The following LRP1 variants were observed in gnomAD, a reference collection of about 807,000 sequenced individuals.
LRP1 encodes LDL receptor related protein 1.
LRP1 carries 51 observed loss-of-function variants against 541.5 expected under a neutral mutation model. The observed-to-expected ratio is 0.09, with a 90% CI of 0.08 to 0.12. The LOEUF is 0.12. Ranked by LOEUF, LRP1 falls within the 10% of genes least tolerant of loss-of-function variation. LRP1 has a pLI of 1.00. For missense variants in LRP1, 3,878 were observed against 6,376.2 expected, an observed-to-expected ratio of 0.61 and a Z score of 13.34; for synonymous variants, 2,219 against 2,470.8, an observed-to-expected ratio of 0.90 and a Z score of 3.02.
Position 57,206,867 on chromosome 12 carries a change from G to C in LRP1, c.11859+126G>C. On this transcript the variant is annotated intron_variant, in intron 76 of 88. Transcript: ENST00000243077. This position sits in a 1 kb window ranked among gnomAD's most constrained non-coding sequence, Gnocchi z 4.7. Reference sequence around the variant, plus strand: ...CACGCCTATAATCCCAGCACTTTGGGAGGCCAAGGCGGGCAGATCACCTGA... The same window carrying C: ...CACGCCTATAATCCCAGCACTTTGGCAGGCCAAGGCGGGCAGATCACCTGA... 1.8e-6 allele frequency: 2 copies of C among 1,119,786 alleles called. No homozygotes were observed. The allele number at this position is 1,119,786 out of a possible 1,614,324, so 69.4% of individuals were successfully genotyped here. A position where few individuals can be genotyped will look rare whatever the true frequency, so the allele number is the denominator to read the frequency against.
intron 54 of LRP1, 31 bp downstream of exon 54, chr12:57,196,034 C>G (rs777849074): frequency 1.2e-6 from 2 of 1,611,656 alleles, no homozygotes; most frequent in Non-Finnish European, 1.7e-6. Context: ...CCCTCTGCCC[C>G]CTCCCCAGAC....
Position 57,204,906 on chromosome 12 carries a change from G to C in LRP1, c.11194+157G>C. ...CTAGGAGCCTGGGGGCTTTTCGTTA[G>C]GAAAGAGAAGCCCCTGGGGAAGGCT... On this transcript the variant is annotated intron_variant, in intron 72 of 88. Coordinates refer to ENST00000243077, the MANE Select transcript of LRP1 (RefSeq NM_002332.3). The surrounding 1 kb of genome is among the most constrained non-coding windows in gnomAD (Gnocchi z 5.3). The C allele has an allele frequency of 7.4e-7, 1 of 1,359,344 alleles. No individual in the cohort carries two copies. The highest frequency in any genetic ancestry group is 9.9e-7 in the Non-Finnish European group (1 of 1,006,434). 84.2% of individuals were successfully genotyped at this position (1,359,344 alleles called of 1,614,324 possible).
At position 57,178,637 on chromosome 12, in the gene LRP1, G is replaced by A; in HGVS notation, c.4606+34G>A. 3 of 1,613,036 alleles carry A rather than the reference G, an allele frequency of 1.9e-6. No individual in the cohort carries two copies. Among genetic ancestry groups the A allele is most frequent in the African/African-American group, 2.7e-5 (2 of 75,010 alleles). ...CTCGGGGCCTCGAGCAGCCGGAAGGGAGCCAGCAGCCTCTTTAGAAGCTGT... is the reference window on the plus strand; with the variant it reads ...CTCGGGGCCTCGAGCAGCCGGAAGGAAGCCAGCAGCCTCTTTAGAAGCTGT... On this transcript the variant is annotated intron_variant, in intron 27 of 88. Coordinates refer to ENST00000243077, the MANE Select transcript of LRP1 (RefSeq NM_002332.3). This position sits in a 1 kb window ranked among gnomAD's most constrained non-coding sequence, Gnocchi z 5.8.
chr12:57,167,339 G>T, intron 18 of LRP1, 105 bp from the exon 19 acceptor site: 2 of 859,276 alleles, frequency 2.3e-6, no homozygotes, highest in Admixed American at 1.8e-5. Flanking sequence ...TTCCTGACTG[G>T]GCTAAGGGCT....
Position 57,194,348 on chromosome 12 carries a change from C to A in LRP1, c.7919-6C>A, listed in dbSNP as rs534741228. 14 of 1,510,134 alleles carry A rather than the reference C, an allele frequency of 9.3e-6. No homozygotes were observed. Among genetic ancestry groups the A allele is most frequent in the Non-Finnish European group, 1.1e-5 (13 of 1,130,638 alleles). 93.5% of individuals were successfully genotyped at this position (1,510,134 alleles called of 1,614,324 possible). On this transcript the variant is annotated splice_polypyrimidine_tract_variant and splice_region_variant and intron_variant, in intron 48 of 88. Transcript: ENST00000243077. Reference sequence around the variant, plus strand: ...CAGGTATCACCCTCACCCCTGCCCCCACCAGGTGCCACCGACTGCAGCAGC... The same window carrying A: ...CAGGTATCACCCTCACCCCTGCCCCAACCAGGTGCCACCGACTGCAGCAGC...
Position 57,165,179 on chromosome 12 carries a change from G to C in LRP1, c.2531-626G>C, listed in dbSNP as rs1408039545. ...GGGAAGTTTCAGAGATTAGAGAGGG[G>C]TGGGAGATGAGTCAGACCAGGCAAG... On this transcript the variant is annotated intron_variant, in intron 15 of 88. Transcript: ENST00000243077. This position sits in a 1 kb window ranked among gnomAD's most constrained non-coding sequence, Gnocchi z 4.5. The C allele has an allele frequency of 6.6e-6, 1 of 152,544 alleles. No individual in the cohort carries two copies. Among genetic ancestry groups the C allele is most frequent in the African/African-American group, 2.4e-5 (1 of 41,426 alleles). The allele number at this position is 152,544 out of a possible 1,614,324, so 9.4% of individuals were successfully genotyped here.
chr12:57,178,296 G>T lies in LRP1; in HGVS notation c.4362-63G>T. 6.4e-7 allele frequency: 1 copy of T among 1,568,456 alleles called. No individual in the cohort carries two copies. The highest frequency in any genetic ancestry group is 8.7e-7 in the Non-Finnish European group (1 of 1,154,144). On this transcript the variant is annotated intron_variant, in intron 26 of 88. Coordinates refer to ENST00000243077, the MANE Select transcript of LRP1 (RefSeq NM_002332.3). This position sits in a 1 kb window ranked among gnomAD's most constrained non-coding sequence, Gnocchi z 5.8. Reference sequence around the variant, plus strand: ...GCCAGGGCCCAGAGGGTGGGCACCTGGGCAGAGCTCTGAGGGCTGAGATCC... The same window carrying T: ...GCCAGGGCCCAGAGGGTGGGCACCTTGGCAGAGCTCTGAGGGCTGAGATCC...
At chr12:57,194,321 A>G (rs1187681203) in intron 48 of LRP1, 33 bp from the exon 49 acceptor site, 1 of 1,505,534 alleles carries the variant, frequency 6.6e-7, no homozygotes, top group Non-Finnish European at 8.9e-7. Context: ...TCCAGGGGGA[A>G]CCAGGTATCA....
chr12:57,181,271 G>C lies in LRP1; in HGVS notation c.5642G>C (p.Ser1881Thr), dbSNP rs753253868. 6.2e-6 allele frequency: 10 copies of C among 1,612,904 alleles called. No homozygotes were observed. Among genetic ancestry groups the C allele is most frequent in the African/African-American group, 1.3e-5 (1 of 74,936 alleles). Reference protein sequence around the residue: ...CMCTAGYSLRSGQQACEGVGS... With the variant: ...CMCTAGYSLRTGQQACEGVGS... Reference sequence around the variant, plus strand: ...TGCACAGCCGGCTATAGCCTCCGGAGTGGCCAGCAGGCCTGCGAGGGTCAG... The same window carrying C: ...TGCACAGCCGGCTATAGCCTCCGGACTGGCCAGCAGGCCTGCGAGGGTCAG... The change falls in exon 34 of 89, where the codon AGT (serine) becomes ACT (threonine). Residue 1881 changes from serine (S) to threonine (T), a missense_variant. Around this residue, in one of 13 missense-constraint regions of LRP1, gnomAD observed 394 missense variants for 635.9 expected, o/e 0.62. Transcript: ENST00000243077.
In LRP1 at chr12:57,212,380, C is replaced by G. The variant is rs1249695175; in HGVS notation, c.13495-35C>G. 1 of 1,613,980 alleles carries G rather than the reference C, an allele frequency of 6.2e-7. No homozygotes were observed. Among genetic ancestry groups the G allele is most frequent in the Non-Finnish European group, 8.5e-7 (1 of 1,179,986 alleles). On this transcript the variant is annotated intron_variant, in intron 88 of 88. Coordinates refer to ENST00000243077, the MANE Select transcript of LRP1 (RefSeq NM_002332.3). This position sits in a 1 kb window ranked among gnomAD's most constrained non-coding sequence, Gnocchi z 5.0. The stretch of plus-strand genomic sequence containing the variant: ...GGTAACCTGGGCTACAGGCCCAGCT[C>G]CTGAGCCCTACCTGAACCCTCTGTC...
At position 57,194,266 on chromosome 12, in the gene LRP1, A is replaced by G. The variant is rs7488264; in HGVS notation, c.7919-88A>G. The G allele has an allele frequency of 1, 1,419,563 of 1,423,594 alleles. 707,860 individuals carry two copies. Among genetic ancestry groups the G allele is most frequent in the East Asian group, 1 (41,858 of 41,858 alleles). 88.2% of individuals were successfully genotyped at this position (1,423,594 alleles called of 1,614,324 possible). A position where few individuals can be genotyped will look rare whatever the true frequency, so the allele number is the denominator to read the frequency against. On this transcript the variant is annotated intron_variant, in intron 48 of 88. Transcript: ENST00000243077. ...AGGGCACCGTTCAACTTTTGGAAAC[A>G]CATGAAGGCTCCATAGGGCTGGCAG...
intron 76 of LRP1, 51 bp from the exon 77 acceptor site, chr12:57,207,987 T>C: frequency 6.3e-7 from 1 of 1,584,488 alleles, no homozygotes; most frequent in Non-Finnish European, 8.6e-7. Context: ...GGCGGGGGGA[T>C]AATGGCAGGA....
chr12:57,156,039 CAG>C lies in LRP1; in HGVS notation c.1228-52_1228-51del. The C allele has an allele frequency of 6.8e-7, 1 of 1,476,140 alleles. No homozygotes were observed. The highest frequency in any genetic ancestry group is 9.4e-7 in the Non-Finnish European group (1 of 1,065,064). 91.4% of individuals were successfully genotyped at this position (1,476,140 alleles called of 1,614,324 possible). A position where few individuals can be genotyped will look rare whatever the true frequency, so the allele number is the denominator to read the frequency against. Reference sequence around the variant, plus strand: ...GAGGAAGCTGAGGGGATCTCCAGGACAGAGGGAGGAACCCCTGTCATCTCATG... The same window carrying C: ...GAGGAAGCTGAGGGGATCTCCAGGACAGGGAGGAACCCCTGTCATCTCATG... On this transcript the variant is annotated intron_variant, in intron 8 of 88. Transcript: ENST00000243077. This position sits in a 1 kb window ranked among gnomAD's most constrained non-coding sequence, Gnocchi z 5.2.
At chr12:57,171,920 C>T (rs995303723) in intron 20 of LRP1, among the ~76,000 whole-genome samples, 1 of 152,154 alleles carries the variant, frequency 6.6e-6, no homozygotes, top group African/African-American at 2.4e-5. Flanking sequence ...TGCCCTCCAG[C>T]CTGTACTGGC....
At chr12:57,164,290 C>A (rs116690956) in intron 15 of LRP1, 110 of 152,370 alleles carry the variant, frequency 7.2e-4, no homozygotes, top group African/African-American at 2.5e-3. Flanking sequence ...GGGGAACCAC[C>A]TCCCAAATGT....
chr12:57,153,922 A>C lies in LRP1; in HGVS notation c.842-286A>C, dbSNP rs371837311. 3.5e-3 allele frequency among the ~76,000 whole-genome samples: 527 copies of C among 152,252 alleles called. 1 individual carries two copies. Among genetic ancestry groups the C allele is most frequent in the African/African-American group, 0.012 (496 of 41,538 alleles). ...AGTAAAAGCAAAGTTAAAAAAAAAA[A>C]AAAACTGGACTGAGCTAGTGGACCT... On this transcript the variant is annotated intron_variant, in intron 6 of 88. Coordinates refer to ENST00000243077, the MANE Select transcript of LRP1 (RefSeq NM_002332.3).
In LRP1 at chr12:57,156,892, C is replaced by T. The variant is rs772064919; in HGVS notation, c.1533C>T (p.Ser511=). 4 of 1,590,100 alleles carry T rather than the reference C, an allele frequency of 2.5e-6. No individual in the cohort carries two copies. The highest frequency in any genetic ancestry group is 1.7e-6 in the Non-Finnish European group (2 of 1,168,592). ...ARTCRCRSGF[S]LGSDGKSCKK... ...CCTGCCGCTGCCGTTCCGGCTTCAG[C>T]CTGGGCAGTGACGGGAAGTCATGCA... The change falls in exon 10 of 89, where the codon AGC becomes AGT. Residue 511 remains serine, a synonymous_variant. Transcript: ENST00000243077. The surrounding 1 kb of genome is among the most constrained non-coding windows in gnomAD (Gnocchi z 5.2).
In LRP1 at chr12:57,204,135, C is replaced by T. The variant is rs12370981; in HGVS notation, c.10952-275C>T. 0.23 allele frequency: 79,104 copies of T among 347,310 alleles called. 9,632 individuals are homozygous for T. The highest frequency in any genetic ancestry group is 0.25 in the Admixed American group (5,857 of 23,272). The allele number at this position is 347,310 out of a possible 1,614,324, so 21.5% of individuals were successfully genotyped here. ...CAGCCCAGTGCTGTTCCCACGTCCCCGCTGTGGAACTACACAGCACAGTGC... is the reference window on the plus strand; with the variant it reads ...CAGCCCAGTGCTGTTCCCACGTCCCTGCTGTGGAACTACACAGCACAGTGC... On this transcript the variant is annotated intron_variant, in intron 70 of 88. Coordinates refer to ENST00000243077, the MANE Select transcript of LRP1 (RefSeq NM_002332.3). This position sits in a 1 kb window ranked among gnomAD's most constrained non-coding sequence, Gnocchi z 5.3.
In LRP1 at chr12:57,166,994, G is replaced by T. The variant is rs763600882; in HGVS notation, c.2862G>T (p.Thr954=). ...GCCGCTGCATCCCCATCTCCTGGAC[G>T]TGTGATCTGGATGACGACTGTGGGG... ...ASGRCIPISW[T]CDLDDDCGDR... Residue 954 remains threonine (T), a synonymous_variant, in exon 18 of 89, where the codon ACG becomes ACT. Transcript: ENST00000243077. The T allele has an allele frequency of 6.2e-6, 10 of 1,614,110 alleles. No homozygotes were observed. The highest frequency in any genetic ancestry group is 7.6e-6 in the Non-Finnish European group (9 of 1,180,018).
Sources: gnomAD v4.1 joint callset for allele counts (sites outside exome capture counted in the v4.1 genomes callset) on GRCh38, gnomAD v4.1.1 for gene constraint, gnomAD v4.1.1 regional missense constraint, Gnocchi (gnomAD v3.1) non-coding constraint, MANE v1.5 for transcripts, NCBI Gene and HGNC (gene_info 2026-07-23, HGNC 2026-07-21) for gene names.